PTPRZ1: variants seen among roughly 807,000 people sequenced by gnomAD.
PTPRZ1 encodes the protein protein tyrosine phosphatase receptor type Z1.
Under a neutral mutation model 214.1 loss-of-function variants are expected in PTPRZ1, and 82 were observed. The ratio of observed to expected loss-of-function variants is 0.38; its 90% CI spans 0.32 to 0.46. The LOEUF (loss-of-function observed/expected upper bound fraction) is 0.46. PTPRZ1 is among the 20% of genes least tolerant of loss of function. The pLI is 1.00. For synonymous variants in PTPRZ1, 945 were observed against 987.9 expected (o/e 0.96, Z 0.81); for missense variants, 2,603 against 2,748.7 (o/e 0.95, Z 1.19).
At chr7:121,957,899 T>A (rs1207757080) in intron 2 of PTPRZ1, among the ~76,000 whole-genome samples, 2 of 152,220 alleles carry the variant, frequency 1.3e-5, no homozygotes, top group Non-Finnish European at 2.9e-5. Flanking sequence ...ATTCCATGAC[T>A]CTCTTGTGCT....
At chr7:122,009,323 T>C (rs1024202750) in intron 11 of PTPRZ1, among the ~76,000 whole-genome samples, 3 of 152,048 alleles carry the variant, frequency 2.0e-5, no homozygotes, top group Non-Finnish European at 4.4e-5. Flanking sequence ...GGTCAAGTTC[T>C]CAATGGCTGT....
At chr7:122,037,413 T>C (rs892888259) in intron 18 of PTPRZ1, among the ~76,000 whole-genome samples, 2 of 152,198 alleles carry the variant, frequency 1.3e-5, no homozygotes, top group Non-Finnish European at 2.9e-5. Context: ...TGATTATTAA[T>C]CCAGTTATCA....
At chr7:122,054,494 C>T (rs1009644677) in intron 26 of PTPRZ1, among the ~76,000 whole-genome samples, 1 of 151,978 alleles carries the variant, frequency 6.6e-6, no homozygotes, top group African/African-American at 2.4e-5. Flanking sequence ...AGCGATATCC[C>T]ATCCCCCTCT....
chr7:121,995,080 A>G (rs1024772878), intron 8 of PTPRZ1, among the ~76,000 whole-genome samples: 1 of 152,166 alleles, frequency 6.6e-6, no homozygotes, highest in Non-Finnish European at 1.5e-5. Flanking sequence ...ACATATGCTA[A>G]AATTGTGACT....
chr7:122,014,642 G>T (rs1429983064), intron 12 of PTPRZ1, among the ~76,000 whole-genome samples: 1 of 152,090 alleles, frequency 6.6e-6, no homozygotes, highest in African/African-American at 2.4e-5. Context: ...GTTTCACCAT[G>T]TTAGCCAGGA....
chr7:121,935,844 A>G (rs1796072663), intron 2 of PTPRZ1, among the ~76,000 whole-genome samples: 1 of 152,178 alleles, frequency 6.6e-6, no homozygotes, highest in Admixed American at 6.5e-5. Context: ...CTGGGATTAC[A>G]GGTATGAGCC....
intron 10 of PTPRZ1, among the ~76,000 whole-genome samples, chr7:122,001,223 T>G (rs755854846): frequency 6.6e-6 from 1 of 152,158 alleles, no homozygotes; most frequent in Non-Finnish European, 1.5e-5. Flanking sequence ...TAATTTAAAT[T>G]TATCAAGGAG....
chr7:122,047,730 C>T (rs1485876307), intron 23 of PTPRZ1, among the ~76,000 whole-genome samples: 1 of 151,310 alleles, frequency 6.6e-6, no homozygotes, highest in Non-Finnish European at 1.5e-5. Context: ...CTCACTGCAA[C>T]CTTCCTCTCC....
chr7:121,905,678 A>ACACACACACACACACACAC, intron 1 of PTPRZ1, among the ~76,000 whole-genome samples: 1 of 55,408 alleles, frequency 1.8e-5, no homozygotes, highest in Non-Finnish European at 3.8e-5. Context: ...CACACACACA[A>ACACACACACACACACACAC]ATGGTGGGCA....
chr7:121,925,250 G>T (rs1166065222), intron 1 of PTPRZ1, among the ~76,000 whole-genome samples: 2 of 152,082 alleles, frequency 1.3e-5, no homozygotes, highest in African/African-American at 4.8e-5. Flanking sequence ...CTAATATCCA[G>T]TTGTATATAT....
At chr7:122,016,557 T>A (rs1315461722) in intron 12 of PTPRZ1, among the ~76,000 whole-genome samples, 1 of 151,968 alleles carries the variant, frequency 6.6e-6, no homozygotes, top group Non-Finnish European at 1.5e-5. Flanking sequence ...TTAAAGGATT[T>A]AAGATCAAAT....
intron 11 of PTPRZ1, among the ~76,000 whole-genome samples, chr7:122,007,473 C>T (rs1406403417): frequency 6.6e-6 from 1 of 152,002 alleles, no homozygotes; most frequent in Admixed American, 6.6e-5. Flanking sequence ...ATTGTCAAAT[C>T]GAAAGAGACC....
At chr7:121,951,889 A>C (rs2116457702) in intron 2 of PTPRZ1, among the ~76,000 whole-genome samples, 1 of 152,334 alleles carries the variant, frequency 6.6e-6, no homozygotes, top group Admixed American at 6.5e-5. Context: ...ACTGTTAGAG[A>C]ATCTTCCCCT....
chr7:121,997,858 A>C (rs756826773), intron 9 of PTPRZ1, 22 bp from the exon 10 acceptor site: 12 of 1,590,248 alleles, frequency 7.5e-6, no homozygotes, highest in Middle Eastern at 1.7e-4. Context: ...CATTTGTATA[A>C]TTACTAACAT....
chr7:121,955,652 T>C (rs145780093), intron 2 of PTPRZ1, among the ~76,000 whole-genome samples: 2 of 152,310 alleles, frequency 1.3e-5, no homozygotes, highest in African/African-American at 4.8e-5. Context: ...TCAACCTGCA[T>C]TGCCTTCAGT....
At chr7:122,045,604 A>T (rs1197720296) in intron 23 of PTPRZ1, among the ~76,000 whole-genome samples, 3 of 151,956 alleles carry the variant, frequency 2.0e-5, no homozygotes, top group African/African-American at 4.8e-5. Context: ...GGGGGAAAAG[A>T]GTATGCAGTT....
chr7:121,992,041 T>C (rs1040044677), intron 8 of PTPRZ1, among the ~76,000 whole-genome samples: 7 of 152,226 alleles, frequency 4.6e-5, no homozygotes, highest in South Asian at 2.1e-4. Context: ...GAAGCACTTT[T>C]GGCATGAGCT....
At chr7:121,983,896 A>C in intron 7 of PTPRZ1, 71 bp from the exon 8 acceptor site, 1 of 1,588,818 alleles carries the variant, frequency 6.3e-7, no homozygotes, top group South Asian at 1.1e-5. Context: ...GTTTGCTATA[A>C]AATATCCATT....
intron 24 of PTPRZ1, 58 bp from the exon 25 acceptor site, chr7:122,051,808 G>T: frequency 6.9e-7 from 1 of 1,452,442 alleles, no homozygotes; most frequent in South Asian, 1.2e-5. Context: ...CTGTGAGCAT[G>T]AGTTGTTTTG....
Sources: allele counts gnomAD v4.1 joint callset (sites outside exome capture counted in the v4.1 genomes callset), GRCh38; gene constraint gnomAD v4.1.1; transcripts MANE v1.5; gene names NCBI Gene and HGNC (gene_info 2026-07-23, HGNC 2026-07-21).